The following HSPA12A variants were observed in gnomAD, a reference collection of about 807,000 sequenced individuals.
HSPA12A encodes heat shock 70 kDa protein 12A.
Under a neutral mutation model 69.2 loss-of-function variants are expected in HSPA12A, and 28 were observed. The ratio of observed to expected loss-of-function variants is 0.40; its 90% CI spans 0.30 to 0.55. The LOEUF is 0.55. HSPA12A is among the 20% of genes least tolerant of loss of function. The pLI, the probability that HSPA12A is intolerant of heterozygous loss-of-function variation, is 0.38. For missense variants in HSPA12A, 686 were observed against 900.7 expected (o/e 0.76, Z 3.05); for synonymous variants, 345 against 370.5 (o/e 0.93, Z 0.79).
intron 2 of HSPA12A, among the ~76,000 whole-genome samples, chr10:116,781,208 G>T (rs1322256470): frequency 6.6e-6 from 1 of 152,106 alleles, no homozygotes; most frequent in Non-Finnish European, 1.5e-5. Context: ...GTTGAGCCAG[G>T]AAGATCTCTT....
intron 1 of HSPA12A, among the ~76,000 whole-genome samples, chr10:116,847,911 T>C (rs1262409155): frequency 6.6e-6 from 1 of 151,978 alleles, no homozygotes; most frequent in African/African-American, 2.4e-5. Context: ...AGGCTGCAAA[T>C]GGGGAAAGAG....
At chr10:116,825,044 CG>C (rs1322273531) in intron 2 of HSPA12A, among the ~76,000 whole-genome samples, 1 of 143,990 alleles carries the variant, frequency 6.9e-6, no homozygotes, top group Non-Finnish European at 1.5e-5. Context: ...AAAAATTAAC[CG>C]GGTGTGGTGG....
chr10:116,823,254 G>A (rs1845437455), intron 2 of HSPA12A, among the ~76,000 whole-genome samples: 1 of 152,192 alleles, frequency 6.6e-6, no homozygotes, highest in African/African-American at 2.4e-5. Context: ...AACAAAAGCA[G>A]TGAAAAATTT....
At chr10:116,706,296 C>G (rs1402943996) in intron 2 of HSPA12A, among the ~76,000 whole-genome samples, 1 of 151,802 alleles carries the variant, frequency 6.6e-6, no homozygotes, top group Non-Finnish European at 1.5e-5. Flanking sequence ...AGAATGCCAC[C>G]CGCCTGGCCT....
chr10:116,750,879 G>C (rs1851761852), intron 2 of HSPA12A, among the ~76,000 whole-genome samples: 4 of 152,000 alleles, frequency 2.6e-5, no homozygotes, highest in Non-Finnish European at 5.9e-5. Flanking sequence ...AGGCTGAGGT[G>C]GGAGGATCGC....
chr10:116,715,710 C>A (rs1564792591), intron 1 of HSPA12A, among the ~76,000 whole-genome samples: 1 of 152,184 alleles, frequency 6.6e-6, no homozygotes. Flanking sequence ...TGGAAGCTCC[C>A]GGACGGCAGG....
chr10:116,698,417 T>C (rs1280098478), intron 5 of HSPA12A: 17 of 425,558 alleles, frequency 4.0e-5, no homozygotes, highest in Middle Eastern at 1.2e-3. Context: ...TTTACTTTTT[T>C]AGGAATTGCC....
intron 2 of HSPA12A, chr10:116,750,195 A>G (rs1207707934): frequency 1.5e-6 from 1 of 669,468 alleles, no homozygotes; most frequent in East Asian, 2.6e-5. Context: ...GCTGCGGCAC[A>G]TTGTCCTGGC....
chr10:116,712,077 T>C (rs961530284), intron 1 of HSPA12A, among the ~76,000 whole-genome samples: 2 of 152,132 alleles, frequency 1.3e-5, no homozygotes, highest in Non-Finnish European at 2.9e-5. Context: ...CAGACCTTTC[T>C]GGGAAACAAA....
Position 116,785,444 on chromosome 10 carries a change from C to T in HSPA12A, c.91+49491G>A, listed in dbSNP as rs1844555451. Among the ~76,000 whole-genome samples the T allele has an allele frequency of 3.3e-5, 5 of 152,188 alleles. No individual in the cohort carries two copies. In the South Asian group the frequency reaches 1.0e-3, roughly 32 times the overall value. On this transcript the variant is annotated intron_variant, in intron 2 of 12. Coordinates refer to the HSPA12A transcript ENST00000635765. ...AGTCCTGGCCACCAGCAGAGCATGG[C>T]ATCAGGGCATTGTGACAGAAATGTT... is the stretch of plus-strand genomic sequence containing the variant.
rs1393852161 is a variant in HSPA12A at position 116,685,472 on chromosome 10, T to TA, written c.664-1511dup. Among the ~76,000 whole-genome samples the TA allele has an allele frequency of 1.6e-3, 230 of 140,946 alleles. No homozygotes were observed. In the Middle Eastern group the frequency reaches 0.018, roughly 11 times the overall value. 92.5% of individuals were successfully genotyped at this position (140,946 alleles called of 152,430 possible). A position where few individuals can be genotyped will look rare whatever the true frequency, so the allele number is the denominator to read the frequency against. On this transcript the variant is annotated intron_variant, in intron 6 of 11. Transcript: ENST00000369209. ...CAAGATGGTGAAACCCCGTCTCTAC[T>TA]AAAAAAAAAAAATAGCTGGGCATGG... is the stretch of plus-strand genomic sequence containing the variant.
intron 1 of HSPA12A, among the ~76,000 whole-genome samples, chr10:116,838,864 G>C (rs34957917): frequency 6.6e-6 from 1 of 152,234 alleles, no homozygotes; most frequent in Non-Finnish European, 1.5e-5. Context: ...ATTGTTCTGA[G>C]CAGTAACTGC....
chr10:116,828,988 C>T (rs1477177996), intron 2 of HSPA12A: 1 of 152,176 alleles, frequency 6.6e-6, no homozygotes, highest in Non-Finnish European at 1.5e-5. Flanking sequence ...CCTCCACATG[C>T]TGTCAGAATG....
intron 2 of HSPA12A, among the ~76,000 whole-genome samples, chr10:116,768,127 A>G (rs1476984130): frequency 1.3e-5 from 2 of 152,220 alleles, no homozygotes; most frequent in Non-Finnish European, 2.9e-5. Flanking sequence ...GGGTGAATGG[A>G]TCAAATGTGT....
rs1844184675 is a variant in HSPA12A, at chr10:116,770,716, T to C, written c.92-63431A>G. Among the ~76,000 whole-genome samples the C allele has an allele frequency of 3.9e-5, 6 of 152,158 alleles. No homozygotes were observed. The South Asian group carries it at 1.2e-3, about 31-fold the overall frequency. ...CCACCATCTCTCCTCCAACCTCCTG[T>C]GCACTGTTCCCATAAGCCCCTCCCC... On this transcript the variant is annotated intron_variant, in intron 2 of 12. Transcript: ENST00000635765.
At chr10:116,737,989 G>A (rs782770269) in intron 1 of HSPA12A, among the ~76,000 whole-genome samples, 23 of 152,308 alleles carry the variant, frequency 1.5e-4, no homozygotes, top group Non-Finnish European at 3.2e-4. Flanking sequence ...AGTGGCAGGC[G>A]CTCACTCATT....
upstream of HSPA12A, among the ~76,000 whole-genome samples, chr10:116,746,343 G>A (rs1168251865): frequency 1.3e-5 from 2 of 152,248 alleles, no homozygotes; most frequent in African/African-American, 4.8e-5. Context: ...TGCACAGCAT[G>A]GGTAGGGGAG....
At chr10:116,761,851 A>G (rs1427976859) in intron 2 of HSPA12A, among the ~76,000 whole-genome samples, 1 of 152,158 alleles carries the variant, frequency 6.6e-6, no homozygotes, top group East Asian at 1.9e-4. Context: ...GGGAGGGAGA[A>G]GCAGGCAGTG....
chr10:116,847,269 T>G (rs188595663), intron 1 of HSPA12A, among the ~76,000 whole-genome samples: 1 of 152,220 alleles, frequency 6.6e-6, no homozygotes, highest in Admixed American at 6.5e-5. Flanking sequence ...GCCTTTTACA[T>G]CCCTCCTTCC....
Sources: allele counts gnomAD v4.1 joint callset (sites outside exome capture counted in the v4.1 genomes callset), GRCh38; gene constraint gnomAD v4.1.1; transcripts MANE v1.5; gene names NCBI Gene and HGNC (gene_info 2026-07-23, HGNC 2026-07-21).